TAFA1: variants seen among roughly 807,000 people sequenced by gnomAD.
TAFA1 encodes the protein TAFA chemokine like family member 1, also known as chemokine-like protein TAFA-1.
Under a neutral mutation model 18.5 loss-of-function variants are expected in TAFA1, and 4 were observed. That is an observed-to-expected ratio of 0.22 (90% CI 0.11 to 0.49). The LOEUF (loss-of-function observed/expected upper bound fraction) is 0.49. TAFA1 is among the 20% of genes least tolerant of loss of function. The pLI is 0.98. For synonymous variants in TAFA1, 56 were observed against 55.2 expected, an observed-to-expected ratio of 1.01 and a Z score of -0.06; for missense variants, 147 against 169.0, an observed-to-expected ratio of 0.87 and a Z score of 0.72.
intron 2 of TAFA1, among the ~76,000 whole-genome samples, chr3:68,093,724 T>TAAAAA (rs1458561527): frequency 6.6e-6 from 1 of 151,756 alleles, no homozygotes; most frequent in Non-Finnish European, 1.5e-5. Flanking sequence ...CATATCAATA[T>TAAAAA]ATCTTGTGTT....
At chr3:68,190,216 C>T (rs886491240) in intron 2 of TAFA1, among the ~76,000 whole-genome samples, 4 of 151,834 alleles carry the variant, frequency 2.6e-5, no homozygotes, top group Non-Finnish European at 5.9e-5. Context: ...GTCTACATTA[C>T]CCTGTAGTGA....
At chr3:68,226,236 C>T (rs984801139) in intron 2 of TAFA1, among the ~76,000 whole-genome samples, 46 of 152,194 alleles carry the variant, frequency 3.0e-4, no homozygotes, top group African/African-American at 1.0e-3. Flanking sequence ...TGCCATATGC[C>T]AATGCTATTC....
chr3:68,261,730 T>G (rs934583689), intron 2 of TAFA1, among the ~76,000 whole-genome samples: 5 of 151,890 alleles, frequency 3.3e-5, no homozygotes, highest in African/African-American at 4.8e-5. Flanking sequence ...AACACATGGA[T>G]ACAGGAAGGG....
intron 2 of TAFA1, among the ~76,000 whole-genome samples, chr3:68,358,511 T>C (rs2069407011): frequency 6.6e-6 from 1 of 151,956 alleles, no homozygotes; most frequent in African/African-American, 2.4e-5. Flanking sequence ...AGGTGGACTC[T>C]CTCAGACACT....
intron 2 of TAFA1, among the ~76,000 whole-genome samples, chr3:68,290,101 C>A (rs1156802724): frequency 6.6e-6 from 1 of 152,182 alleles, no homozygotes; most frequent in Non-Finnish European, 1.5e-5. Context: ...AATAATTTGG[C>A]ATATTTGATG....
chr3:68,346,641 C>T (rs2069169324), intron 2 of TAFA1, among the ~76,000 whole-genome samples: 1 of 152,170 alleles, frequency 6.6e-6, no homozygotes, highest in African/African-American at 2.4e-5. Context: ...ATTTTTGAGG[C>T]TCTATCATCT....
chr3:68,239,606 T>C (rs1037296656), intron 2 of TAFA1, among the ~76,000 whole-genome samples: 3 of 152,298 alleles, frequency 2.0e-5, no homozygotes, highest in African/African-American at 7.2e-5. Flanking sequence ...GGTCTATGCT[T>C]ATTGGATAGC....
At chr3:67,996,818 A>AGT in the TAFA1 span, among the ~76,000 whole-genome samples, 1 of 151,610 alleles carries the variant, frequency 6.6e-6, no homozygotes. Context: ...AAGAAAAAAA[A>AGT]AAATGGTATA....
intron 2 of TAFA1, among the ~76,000 whole-genome samples, chr3:68,308,257 GTCTTCA>G (rs1176515046): frequency 6.6e-6 from 1 of 152,114 alleles, no homozygotes; most frequent in Non-Finnish European, 1.5e-5. Context: ...GTTGCATTCT[GTCTTCA>G]TTAAAATGCT....
At chr3:68,015,326 G>A (rs1035579987) in intron 2 of TAFA1, among the ~76,000 whole-genome samples, 1 of 131,950 alleles carries the variant, frequency 7.6e-6, no homozygotes, top group African/African-American at 2.9e-5. Flanking sequence ...TGCTCTTGTT[G>A]CCTAGGCTGG....
At chr3:68,430,811 C>T (rs570385135) in intron 3 of TAFA1, among the ~76,000 whole-genome samples, 2 of 152,076 alleles carry the variant, frequency 1.3e-5, no homozygotes, top group East Asian at 3.9e-4. Flanking sequence ...TTCACAACTG[C>T]ACACACACAG....
intron 2 of TAFA1, among the ~76,000 whole-genome samples, chr3:68,266,682 C>T (rs150990214): frequency 3.3e-5 from 5 of 152,070 alleles, no homozygotes; most frequent in South Asian, 2.1e-4. Context: ...ATAAAGGATC[C>T]GGGTGAGAGC....
At chr3:68,080,467 A>G (rs1488513417) in intron 2 of TAFA1, among the ~76,000 whole-genome samples, 9 of 152,032 alleles carry the variant, frequency 5.9e-5, no homozygotes, top group Non-Finnish European at 1.3e-4. Context: ...GTTCCTGTCC[A>G]TGTTTAGCGC....
At chr3:68,266,347 G>T (rs190625889) in intron 2 of TAFA1, among the ~76,000 whole-genome samples, 1 of 152,096 alleles carries the variant, frequency 6.6e-6, no homozygotes, top group Non-Finnish European at 1.5e-5. Context: ...TATCACAAGG[G>T]TTGTGAAGTT....
chr3:68,155,361 C>A (rs934240139), intron 2 of TAFA1, among the ~76,000 whole-genome samples: 3 of 152,126 alleles, frequency 2.0e-5, no homozygotes, highest in Non-Finnish European at 4.4e-5. Flanking sequence ...AAGCCTTTAC[C>A]TTATGCCAGG....
intron 2 of TAFA1, among the ~76,000 whole-genome samples, chr3:68,323,041 C>T (rs939771908): frequency 6.6e-6 from 1 of 152,170 alleles, no homozygotes; most frequent in African/African-American, 2.4e-5. Flanking sequence ...GGTCAATAAT[C>T]ATAATCACAA....
intron 2 of TAFA1, among the ~76,000 whole-genome samples, chr3:68,287,370 T>C (rs1347674212): frequency 6.6e-6 from 1 of 152,198 alleles, no homozygotes. Flanking sequence ...ATGTCAGCTG[T>C]TCTGCTCTGA....
At position 68,163,098 on chromosome 3, in the gene TAFA1, AAAGT is replaced by A. The variant is rs1370137437; in HGVS notation, c.118+156360_118+156363del. ...AAATAAAGCTTTATTAACTTAAATA[AAAGT>A]AAGTAGCTTTTCTTTCAAGAGCATA... On this transcript the variant is annotated intron_variant, in intron 2 of 4. Coordinates refer to ENST00000478136, the MANE Select transcript of TAFA1 (RefSeq NM_213609.4). 1.6e-4 allele frequency among the ~76,000 whole-genome samples: 25 copies of A among 152,376 alleles called. No individual in the cohort carries two copies. In the Middle Eastern group the frequency reaches 0.01, roughly 62 times the overall value.
At chr3:68,206,833 A>G (rs1395626615) in intron 2 of TAFA1, among the ~76,000 whole-genome samples, 3 of 152,052 alleles carry the variant, frequency 2.0e-5, no homozygotes, top group Non-Finnish European at 2.9e-5. Flanking sequence ...CTGCATGCCC[A>G]GTTACCCTAG....
Sources: allele counts gnomAD v4.1 joint callset (sites outside exome capture counted in the v4.1 genomes callset), GRCh38; gene constraint gnomAD v4.1.1; transcripts MANE v1.5; gene names NCBI Gene and HGNC (gene_info 2026-07-23, HGNC 2026-07-21).